The following SRBD1 variants were observed in gnomAD, a reference collection of about 807,000 sequenced individuals.
SRBD1 encodes the protein S1 RNA binding domain 1, also known as S1 RNA-binding domain-containing protein 1.
In SRBD1, 88 loss-of-function variants were observed where a neutral mutation model predicts 115.3. The ratio of observed to expected loss-of-function variants is 0.76; its 90% CI spans 0.64 to 0.91. The LOEUF (loss-of-function observed/expected upper bound fraction) is 0.91, where lower values mean the gene tolerates loss of function less well. Ranked by LOEUF, SRBD1 falls within the 40% of genes least tolerant of loss-of-function variation. The pLI is 0.00. For synonymous variants in SRBD1, 509 were observed against 407.7 expected (o/e 1.25, Z -2.99); for missense variants, 1,385 against 1,177.4 (o/e 1.18, Z -2.58).
intron 16 of SRBD1, among the ~76,000 whole-genome samples, chr2:45,466,300 A>G (rs1364710214): frequency 6.6e-6 from 1 of 151,824 alleles, no homozygotes; most frequent in African/African-American, 2.4e-5. Flanking sequence ...GTCTCTCTGG[A>G]GCTCCTCTCC....
chr2:45,605,171 T>C (rs781484370), intron 2 of SRBD1, among the ~76,000 whole-genome samples, 191 bp downstream of exon 2: 6 of 152,216 alleles, frequency 3.9e-5, no homozygotes, highest in Non-Finnish European at 7.3e-5. Context: ...CTCTCTCCTT[T>C]CGATACTTTA....
At chr2:45,434,863 T>C (rs1255068733) in intron 16 of SRBD1, among the ~76,000 whole-genome samples, 1 of 152,098 alleles carries the variant, frequency 6.6e-6, no homozygotes, top group South Asian at 2.1e-4. Flanking sequence ...GTTGGTTTGC[T>C]GCACCCATTC....
chr2:45,532,681 T>C (rs900178390), intron 14 of SRBD1, among the ~76,000 whole-genome samples: 1 of 151,774 alleles, frequency 6.6e-6, no homozygotes, highest in Non-Finnish European at 1.5e-5. Context: ...GGAATTAAAC[T>C]GGGCGTAACC....
chr2:45,486,600 G>C (rs1670127521), intron 15 of SRBD1, among the ~76,000 whole-genome samples: 1 of 151,970 alleles, frequency 6.6e-6, no homozygotes, highest in Non-Finnish European at 1.5e-5. Context: ...AGGCGTGGTG[G>C]CAGGCGCCTG....
intron 15 of SRBD1, among the ~76,000 whole-genome samples, chr2:45,480,769 G>C (rs529330385): frequency 6.6e-6 from 1 of 151,968 alleles, no homozygotes; most frequent in Non-Finnish European, 1.5e-5. Flanking sequence ...TCTACTGAAT[G>C]TAAAAGGCTA....
At chr2:45,428,571 T>A (rs1473929661) in intron 16 of SRBD1, among the ~76,000 whole-genome samples, 36 of 122,968 alleles carry the variant, frequency 2.9e-4, no homozygotes, top group African/African-American at 1.0e-3. Flanking sequence ...AATAAATAAA[T>A]AAATAAATAA....
At chr2:45,493,749 T>C (rs1670369697) in intron 14 of SRBD1, among the ~76,000 whole-genome samples, 1 of 151,430 alleles carries the variant, frequency 6.6e-6, no homozygotes, top group South Asian at 2.1e-4. Context: ...AGGTGAAGGT[T>C]GTAGTGAGCC....
At chr2:45,402,906 G>C (rs1006217941) in intron 19 of SRBD1, among the ~76,000 whole-genome samples, 3 of 152,108 alleles carry the variant, frequency 2.0e-5, no homozygotes, top group African/African-American at 7.2e-5. Flanking sequence ...CCAAATGGTA[G>C]GACAAAAACA....
At chr2:45,447,987 A>C (rs1668879121) in intron 16 of SRBD1, 1 of 152,162 alleles carries the variant, frequency 6.6e-6, no homozygotes, top group South Asian at 2.1e-4. Flanking sequence ...ATGCATTTTT[A>C]ATAATTTGTT....
At chr2:45,598,012 C>G (rs191268621) in intron 4 of SRBD1, among the ~76,000 whole-genome samples, 1 of 152,122 alleles carries the variant, frequency 6.6e-6, no homozygotes, top group Non-Finnish European at 1.5e-5. Context: ...CCTTAAAAAG[C>G]GTTAGAAAAG....
intron 16 of SRBD1, among the ~76,000 whole-genome samples, chr2:45,441,192 G>A (rs71422158): frequency 0.12 from 18,553 of 151,986 alleles, 1,187 homozygotes; most frequent in East Asian, 0.19. Context: ...GAGTTAATAT[G>A]GAAAGGAAAG....
Position 45,551,239 on chromosome 2 carries a change from A to G in SRBD1, c.1561T>C (p.Phe521Leu). 1 of 1,610,708 alleles carries G rather than the reference A, an allele frequency of 6.2e-7. No homozygotes were observed. Among genetic ancestry groups the G allele is most frequent in the Non-Finnish European group, 8.5e-7 (1 of 1,179,398 alleles). ...AGGAGCTGACGAAGGTTCCGTCCAA[A>G]CATCATTACTGATTCCTTCTCTGCA... ...SDAEKESVMM[F>L]GRNLRQLLLT... The change falls in exon 12 of 21, where the codon TTT becomes CTT. Residue 521 changes from phenylalanine (F) to leucine (L), a missense_variant. Transcript: ENST00000263736.
intron 16 of SRBD1, among the ~76,000 whole-genome samples, chr2:45,466,871 C>T (rs904558217): frequency 1.1e-4 from 16 of 152,174 alleles, no homozygotes; most frequent in African/African-American, 3.6e-4. Context: ...AGGAGACTTT[C>T]AGCAGGGTCT....
intron 14 of SRBD1, among the ~76,000 whole-genome samples, chr2:45,521,352 T>A (rs1401145527): frequency 6.6e-6 from 1 of 151,250 alleles, no homozygotes; most frequent in Non-Finnish European, 1.5e-5. Flanking sequence ...AGGAGTTGAA[T>A]AGACATTTCT....
chr2:45,405,022 G>A (rs893090818), intron 19 of SRBD1, among the ~76,000 whole-genome samples: 7 of 152,016 alleles, frequency 4.6e-5, no homozygotes, highest in East Asian at 3.9e-4. Flanking sequence ...TGAGGCCTGC[G>A]ATGACTACCC....
rs190802789 is a variant in SRBD1, at chr2:45,400,733, T to A, written c.2514-7604A>T. The stretch of plus-strand genomic sequence containing the variant: ...TAGCTTACTCTGTCCAGGTGCTAAG[T>A]ATTCTACATATATTAATTAATATAA... On this transcript the variant is annotated intron_variant, in intron 19 of 20. Coordinates refer to ENST00000263736, the MANE Select transcript of SRBD1 (RefSeq NM_018079.5). Among the ~76,000 whole-genome samples, 10 of 152,196 alleles carry A rather than the reference T, an allele frequency of 6.6e-5. No individual in the cohort carries two copies. The East Asian group carries it at 1.5e-3, about 24-fold the overall frequency.
At chr2:45,467,032 G>C (rs535332445) in intron 16 of SRBD1, among the ~76,000 whole-genome samples, 118 of 152,320 alleles carry the variant, frequency 7.7e-4, no homozygotes, top group African/African-American at 2.8e-3. Flanking sequence ...AGGAGCATTA[G>C]AGACCAGTGG....
intron 14 of SRBD1, among the ~76,000 whole-genome samples, chr2:45,545,283 T>TAAAAAAAAAAAAAAAAAAAAAAAAAAAA (rs56909656): frequency 5.8e-5 from 4 of 68,586 alleles, no homozygotes; most frequent in African/African-American, 2.0e-4. Context: ...CTGTCTCAAT[T>TAAAAAAAAAAAAAAAAAAAAAAAAAAAA]AAAAAAAAAA....
intron 2 of SRBD1, 54 bp from the exon 3 acceptor site, chr2:45,602,137 G>A: frequency 6.5e-7 from 1 of 1,546,958 alleles, no homozygotes; most frequent in Non-Finnish European, 8.7e-7. Flanking sequence ...AAATGTCAAA[G>A]GTAAAAAAGA....
Sources: gnomAD v4.1 joint callset for allele counts (sites outside exome capture counted in the v4.1 genomes callset) on GRCh38, gnomAD v4.1.1 for gene constraint, MANE v1.5 for transcripts, NCBI Gene and HGNC (gene_info 2026-07-23, HGNC 2026-07-21) for gene names.